Variants in JPH3 observed in about 807,000 individuals in gnomAD.
The protein encoded by JPH3 is junctophilin 3, also known as junctophilin-3.
In JPH3, 11 loss-of-function variants were observed where a neutral mutation model predicts 59.6. That is an observed-to-expected ratio of 0.18 (90% confidence interval 0.12 to 0.31). JPH3 has a LOEUF of 0.31. JPH3 is among the 10% of genes least tolerant of loss of function. JPH3 has a pLI of 1.00. For missense variants in JPH3, 1,202 were observed against 1,105.7 expected, an observed-to-expected ratio of 1.09 and a Z score of -1.24; for synonymous variants, 673 against 483.6, an observed-to-expected ratio of 1.39 and a Z score of -5.14.
At chr16:87,662,809 G>A (rs2032747276) in intron 2 of JPH3, among the ~76,000 whole-genome samples, 2 of 152,238 alleles carry the variant, frequency 1.3e-5, no homozygotes, top group South Asian at 2.1e-4. Flanking sequence ...GTCTCCCTGT[G>A]AAATCCACCT....
chr16:87,621,027 C>A (rs1371794845), intron 1 of JPH3, among the ~76,000 whole-genome samples: 2 of 152,184 alleles, frequency 1.3e-5, no homozygotes. Flanking sequence ...GGCATGGTGG[C>A]GGGCGCCTGT....
At chr16:87,645,641 C>G (rs970529238) in intron 2 of JPH3, among the ~76,000 whole-genome samples, 1 of 152,180 alleles carries the variant, frequency 6.6e-6, no homozygotes. Context: ...AGTGGGGCCT[C>G]TAGGCCCTAA....
At chr16:87,609,976 G>A (rs2030672110) in intron 1 of JPH3, among the ~76,000 whole-genome samples, 1 of 152,174 alleles carries the variant, frequency 6.6e-6, no homozygotes, top group Non-Finnish European at 1.5e-5. Flanking sequence ...TGGGAGCCCT[G>A]AGTTTGTTTT....
intron 1 of JPH3, among the ~76,000 whole-genome samples, chr16:87,623,207 C>G (rs980597241): frequency 6.6e-6 from 1 of 152,212 alleles, no homozygotes; most frequent in Non-Finnish European, 1.5e-5. Context: ...CTGCAAGGAC[C>G]TCAGCACCTT....
intron 1 of JPH3, among the ~76,000 whole-genome samples, chr16:87,637,612 G>C (rs1248369633): frequency 6.6e-6 from 1 of 152,126 alleles, no homozygotes; most frequent in African/African-American, 2.4e-5. Flanking sequence ...AGACCCTAGT[G>C]ACTCACAGGC....
At chr16:87,620,493 G>T (rs1014575891) in intron 1 of JPH3, among the ~76,000 whole-genome samples, 1 of 66,438 alleles carries the variant, frequency 1.5e-5, no homozygotes, top group African/African-American at 4.5e-5. Flanking sequence ...GAGGGAGAGG[G>T]GGAGGGGAAG....
At chr16:87,643,944 C>G (rs931653610) in intron 1 of JPH3, among the ~76,000 whole-genome samples, 1 of 152,116 alleles carries the variant, frequency 6.6e-6, no homozygotes, top group Non-Finnish European at 1.5e-5. Context: ...AGAAACCAGC[C>G]TGGCCAACAT....
rs752604330 is a variant in JPH3 at position 87,689,863 on chromosome 16, C to T, written c.1503C>T (p.Phe501=). ...CCGCCAGGAACAAGGTCGCCCACTT[C>T]TCGAGGCAGGTGTCGGTGGACGAGG... The part of the protein sequence containing the change: ...APAARNKVAH[F]SRQVSVDEER... Residue 501 remains phenylalanine (F), a synonymous_variant, in exon 4 of 5, where the codon TTC becomes TTT. Coordinates refer to ENST00000284262, the MANE Select transcript of JPH3 (RefSeq NM_020655.4). The T allele has an allele frequency of 5.3e-6, 8 of 1,504,648 alleles. No homozygotes were observed. The Admixed American group carries it at 1.5e-4, about 28-fold the overall frequency. The allele number at this position is 1,504,648 out of a possible 1,614,324, so 93.2% of individuals were successfully genotyped here.
intron 1 of JPH3, among the ~76,000 whole-genome samples, chr16:87,616,917 G>A (rs1446688853): frequency 6.6e-6 from 1 of 152,132 alleles, no homozygotes; most frequent in Non-Finnish European, 1.5e-5. Flanking sequence ...ATTCTTAGGT[G>A]TTGCCTATAT....
In JPH3 at chr16:87,696,775, T is replaced by A. The variant is rs1363207900; in HGVS notation, c.*115T>A. ...CTCGGACAGCCCAGCGACTTCCAAG[T>A]CCTCTCACAGAAGAACCACACGATT... is the stretch of plus-strand genomic sequence containing the variant. On this transcript the variant is annotated 3_prime_UTR_variant, in exon 5 of 5. Coordinates refer to ENST00000284262, the MANE Select transcript of JPH3 (RefSeq NM_020655.4). The A allele has an allele frequency of 3.7e-6, 3 of 806,124 alleles. No individual in the cohort carries two copies. The highest frequency in any genetic ancestry group is 6.3e-6 in the Non-Finnish European group (3 of 479,480). 49.9% of individuals were successfully genotyped at this position (806,124 alleles called of 1,614,324 possible). A position where few individuals can be genotyped will look rare whatever the true frequency, so the allele number is the denominator to read the frequency against.
chr16:87,639,424 C>T (rs2031864306), intron 1 of JPH3, among the ~76,000 whole-genome samples: 1 of 152,164 alleles, frequency 6.6e-6, no homozygotes, highest in Non-Finnish European at 1.5e-5. Context: ...TCACTTTAAA[C>T]GTTGAGGGAA....
At chr16:87,688,420 G>A (rs1261915976) in intron 3 of JPH3, among the ~76,000 whole-genome samples, 1 of 152,178 alleles carries the variant, frequency 6.6e-6, no homozygotes, top group African/African-American at 2.4e-5. Flanking sequence ...ACTATCTGGT[G>A]CCACACCGAG....
chr16:87,641,982 A>G (rs958879872), intron 1 of JPH3, among the ~76,000 whole-genome samples: 1 of 150,984 alleles, frequency 6.6e-6, no homozygotes, highest in African/African-American at 2.4e-5. Context: ...GGTGCTGTGG[A>G]GGAGGGGTGG....
At chr16:87,671,512 C>T (rs963438393) in intron 2 of JPH3, among the ~76,000 whole-genome samples, 1 of 152,218 alleles carries the variant, frequency 6.6e-6, no homozygotes, top group Non-Finnish European at 1.5e-5. Flanking sequence ...TGGTTGGGCA[C>T]TGGCTGGGAA....
At chr16:87,641,532 G>A (rs2031952017) in intron 1 of JPH3, among the ~76,000 whole-genome samples, 2 of 152,158 alleles carry the variant, frequency 1.3e-5, no homozygotes, top group African/African-American at 4.8e-5. Flanking sequence ...CACCTCATTC[G>A]GCCCCGTCCT....
At chr16:87,666,218 A>T (rs562899138) in intron 2 of JPH3, among the ~76,000 whole-genome samples, 6 of 151,240 alleles carry the variant, frequency 4.0e-5, no homozygotes, top group African/African-American at 1.5e-4. Flanking sequence ...GCTCCCAAGT[A>T]TCTGGGATTA....
intron 2 of JPH3, among the ~76,000 whole-genome samples, chr16:87,645,290 A>G (rs1216541682): frequency 6.6e-6 from 1 of 152,212 alleles, no homozygotes; most frequent in African/African-American, 2.4e-5. Flanking sequence ...TAAACTGAGC[A>G]GTGTCTCTTT....
At chr16:87,676,127 C>G (rs1314866490) in intron 2 of JPH3, among the ~76,000 whole-genome samples, 1 of 152,232 alleles carries the variant, frequency 6.6e-6, no homozygotes, top group Non-Finnish European at 1.5e-5. Context: ...ATACTCTCAA[C>G]AGGAGTGTAA....
intron 2 of JPH3, among the ~76,000 whole-genome samples, chr16:87,669,820 G>A (rs768230293): frequency 1.2e-4 from 19 of 152,184 alleles, no homozygotes; most frequent in Non-Finnish European, 2.1e-4. Context: ...GGCAGCCAGT[G>A]TGGATGGACT....
Sources: allele counts gnomAD v4.1 joint callset (sites outside exome capture counted in the v4.1 genomes callset), GRCh38; gene constraint gnomAD v4.1.1; transcripts MANE v1.5; gene names NCBI Gene and HGNC (gene_info 2026-07-23, HGNC 2026-07-21).